The following TENM3 variants were observed in gnomAD, a reference collection of about 807,000 sequenced individuals.
The protein encoded by TENM3 is teneurin transmembrane protein 3.
A neutral mutation model predicts 255.1 loss-of-function variants in TENM3; 63 were observed. The ratio of observed to expected loss-of-function variants is 0.25; its 90% CI spans 0.20 to 0.30. TENM3 has a LOEUF of 0.30. Among genes scored for constraint, TENM3 ranks in the 10% least tolerant of loss-of-function variants. The pLI is 1.00. For synonymous variants in TENM3, 1,306 were observed against 1,322.3 expected (o/e 0.99, Z 0.27); for missense variants, 2,929 against 3,461.1 (o/e 0.85, Z 3.86).
At chr4:182,225,699 GAGA>G (rs1756105640) in intron 1 of TENM3, among the ~76,000 whole-genome samples, 1 of 152,280 alleles carries the variant, frequency 6.6e-6, no homozygotes, top group South Asian at 2.1e-4. Context: ...AGGGACACGG[GAGA>G]TGTCTCCAAA....
At chr4:181,653,950 T>C in the TENM3 span, among the ~76,000 whole-genome samples, 4 of 151,874 alleles carry the variant, frequency 2.6e-5, no homozygotes, top group Non-Finnish European at 5.9e-5. Context: ...TCATCATTGG[T>C]ACTGTGGTCT....
At chr4:181,809,946 C>T in the TENM3 span, among the ~76,000 whole-genome samples, 7 of 152,078 alleles carry the variant, frequency 4.6e-5, no homozygotes, top group African/African-American at 1.4e-4. Flanking sequence ...CTTTTTTGCC[C>T]CTTAAAGCTC....
chr4:182,344,699 G>A (rs1321810867), intron 2 of TENM3, among the ~76,000 whole-genome samples: 1 of 152,064 alleles, frequency 6.6e-6, no homozygotes, highest in Non-Finnish European at 1.5e-5. Flanking sequence ...AAAAAACAAA[G>A]GATCTTATTT....
intron 16 of TENM3, among the ~76,000 whole-genome samples, chr4:182,734,160 G>A (rs1187237432): frequency 6.6e-6 from 1 of 152,224 alleles, no homozygotes; most frequent in African/African-American, 2.4e-5. Context: ...GTAAGCCAAA[G>A]AAGGAATCAC....
At chr4:182,632,164 CATTCATTATACATCATCTAT>C (rs1751430861) in intron 5 of TENM3, among the ~76,000 whole-genome samples, 1 of 152,094 alleles carries the variant, frequency 6.6e-6, no homozygotes, top group South Asian at 2.1e-4. Context: ...TCTCACATAT[CATTCATTATACATCATCTAT>C]ATAATTTTAT....
intron 3 of TENM3, among the ~76,000 whole-genome samples, chr4:182,511,399 A>G (rs1456288609): frequency 6.6e-6 from 1 of 152,170 alleles, no homozygotes; most frequent in East Asian, 1.9e-4. Context: ...CTTAGCTTTT[A>G]TGGAATCATG....
chr4:182,358,346 A>C (rs983134935), intron 3 of TENM3, among the ~76,000 whole-genome samples: 1 of 147,836 alleles, frequency 6.8e-6, no homozygotes, highest in Non-Finnish European at 1.5e-5. Flanking sequence ...CTTCCTACCC[A>C]TGAGCATGGA....
intron 24 of TENM3, among the ~76,000 whole-genome samples, chr4:182,781,657 G>A (rs1765176980): frequency 6.7e-6 from 1 of 150,270 alleles, no homozygotes; most frequent in South Asian, 2.1e-4. Flanking sequence ...ACCTCTGGTA[G>A]AATTCAGCTG....
chr4:181,936,759 G>T, the TENM3 span, among the ~76,000 whole-genome samples: 2 of 151,978 alleles, frequency 1.3e-5, no homozygotes, highest in South Asian at 4.2e-4. Context: ...GGACAGGAAA[G>T]ACCTCCCTGA....
intron 3 of TENM3, among the ~76,000 whole-genome samples, chr4:182,357,159 A>G (rs1765609277): frequency 6.6e-6 from 1 of 152,070 alleles, no homozygotes; most frequent in African/African-American, 2.4e-5. Flanking sequence ...GCTATTGTGA[A>G]CAGTGCCTCA....
At chr4:182,540,392 C>A (rs1386976983) in intron 3 of TENM3, among the ~76,000 whole-genome samples, 2 of 152,078 alleles carry the variant, frequency 1.3e-5, no homozygotes, top group Non-Finnish European at 2.9e-5. Context: ...GAGTTTGAGA[C>A]CAGCCTGACC....
chr4:182,275,182 G>A (rs1196935302), intron 1 of TENM3, among the ~76,000 whole-genome samples: 1 of 152,154 alleles, frequency 6.6e-6, no homozygotes, highest in African/African-American at 2.4e-5. Context: ...GTCGTCTCGT[G>A]TAATGGCAGA....
the TENM3 span, among the ~76,000 whole-genome samples, chr4:182,027,026 T>C: frequency 6.6e-6 from 1 of 152,172 alleles, no homozygotes; most frequent in Non-Finnish European, 1.5e-5. Flanking sequence ...GGGATTGCAT[T>C]GAATCTATAG....
At chr4:181,955,879 A>T in the TENM3 span, among the ~76,000 whole-genome samples, 1 of 152,194 alleles carries the variant, frequency 6.6e-6, no homozygotes, top group African/African-American at 2.4e-5. Context: ...TATTGCAATG[A>T]TATACACTAA....
At chr4:181,851,278 C>T in the TENM3 span, among the ~76,000 whole-genome samples, 1 of 152,106 alleles carries the variant, frequency 6.6e-6, no homozygotes, top group South Asian at 2.1e-4. Context: ...GCATTCATGC[C>T]CTACCCCTCC....
chr4:181,558,465 A>G, the TENM3 span, among the ~76,000 whole-genome samples: 1,231 of 152,332 alleles, frequency 8.1e-3, 11 homozygotes, highest in African/African-American at 0.028. Flanking sequence ...ATAAAGTAGT[A>G]TATGAACTAT....
chr4:182,302,756 T>A (rs185659468), intron 1 of TENM3, among the ~76,000 whole-genome samples: 2 of 152,336 alleles, frequency 1.3e-5, no homozygotes, highest in Admixed American at 1.3e-4. Flanking sequence ...CTGACAGTCA[T>A]TTTTCCTTTA....
chr4:182,450,535 A>T (rs534537947), intron 3 of TENM3, among the ~76,000 whole-genome samples: 1 of 152,338 alleles, frequency 6.6e-6, no homozygotes, highest in East Asian at 1.9e-4. Flanking sequence ...TTATACTGTG[A>T]TTTACACAAT....
the TENM3 span, among the ~76,000 whole-genome samples, chr4:181,772,996 C>T: frequency 6.6e-6 from 1 of 152,090 alleles, no homozygotes; most frequent in Non-Finnish European, 1.5e-5. Context: ...TAGGGCACCC[C>T]CCCAAAAAAT....
Sources: allele counts gnomAD v4.1 joint callset (sites outside exome capture counted in the v4.1 genomes callset), GRCh38; gene constraint gnomAD v4.1.1; transcripts MANE v1.5; gene names NCBI Gene and HGNC (gene_info 2026-07-23, HGNC 2026-07-21).